The following FNTA variants were observed in gnomAD, a reference collection of about 807,000 sequenced individuals.
FNTA encodes the protein farnesyltransferase, CAAX box, subunit alpha.
FNTA carries 27 observed loss-of-function variants against 55.2 expected under a neutral mutation model. The ratio of observed to expected loss-of-function variants is 0.49; its 90% CI spans 0.36 to 0.67. The LOEUF (loss-of-function observed/expected upper bound fraction) is 0.67, where lower values mean the gene tolerates loss of function less well. Ranked by LOEUF, FNTA falls within the 30% of genes least tolerant of loss-of-function variation. FNTA has a pLI of 0.00. For synonymous variants in FNTA, 176 were observed against 170.7 expected (o/e 1.03, Z -0.24); for missense variants, 422 against 464.7 (o/e 0.91, Z 0.85).
chr8:43,085,061 T>C, intron 8 of FNTA, 99 bp from the exon 9 acceptor site: 1 of 1,192,060 alleles, frequency 8.4e-7, no homozygotes, highest in Middle Eastern at 2.0e-4. Flanking sequence ...ATAGTGTGTC[T>C]TCATTTGAAT....
At chr8:43,059,940 C>G (rs1211632408) in intron 2 of FNTA, among the ~76,000 whole-genome samples, 2 of 152,018 alleles carry the variant, frequency 1.3e-5, no homozygotes, top group Non-Finnish European at 2.9e-5. Context: ...TGTAAAGACT[C>G]GAGAAATAGA....
At chr8:43,083,758 G>A (rs974467517) in intron 7 of FNTA, among the ~76,000 whole-genome samples, 4 of 152,142 alleles carry the variant, frequency 2.6e-5, no homozygotes, top group Admixed American at 2.0e-4. Flanking sequence ...TGGAGAGCTC[G>A]AGGGATGAGA....
rs571049722 is a variant in FNTA, at chr8:43,072,211, A to G, written c.537A>G (p.Leu179=). 1.8e-5 allele frequency: 28 copies of G among 1,579,986 alleles called. No individual in the cohort carries two copies. In the South Asian group the frequency reaches 3.2e-4, roughly 18 times the overall value. ...ATAGGCGAGTATTAGTGGAATGGCTAAGAGATCCATCTCAGGAGCTTGAAT... is the reference window on the plus strand; with the variant it reads ...ATAGGCGAGTATTAGTGGAATGGCTGAGAGATCCATCTCAGGAGCTTGAAT... ...WHHRRVLVEW[L]RDPSQELEFI... is the part of the protein sequence containing the mutation. The change falls in exon 5 of 9, where the codon CTA becomes CTG. Residue 179 remains leucine, a synonymous_variant. Transcript: ENST00000302279.
Position 43,064,208 on chromosome 8 carries a change from A to G in FNTA, c.394A>G (p.Thr132Ala). 6.3e-7 allele frequency: 1 copy of G among 1,595,058 alleles called. No homozygotes were observed. The highest frequency in any genetic ancestry group is 8.6e-7 in the Non-Finnish European group (1 of 1,162,730). ...DAIELNAANYTVWHFRRVLLK... is the reference protein window; with the variant it reads ...DAIELNAANYAVWHFRRVLLK... ...TATTGAGTTAAATGCAGCCAATTAT[A>G]CAGTGTGGTAAGTAATACACATCAT... The change falls in exon 3 of 9, where the codon ACA becomes GCA. Residue 132 changes from threonine (T) to alanine (A), a missense_variant. Physicochemically the swap from Thr to Ala is moderately conservative, Grantham distance 58 (BLOSUM62 0). Around this residue, in one of 2 missense-constraint regions of FNTA, gnomAD observed 262 missense variants for 343.1 expected, o/e 0.76. Coordinates refer to ENST00000302279, the MANE Select transcript of FNTA (RefSeq NM_002027.3).
intron 4 of FNTA, among the ~76,000 whole-genome samples, chr8:43,070,596 T>C (rs949353526): frequency 2.0e-5 from 3 of 152,224 alleles, no homozygotes; most frequent in Non-Finnish European, 2.9e-5. Flanking sequence ...TTCTGGATAC[T>C]GCACACTGTC....
chr8:43,081,069 C>T (rs1449977181), intron 6 of FNTA: 1 of 151,890 alleles, frequency 6.6e-6, no homozygotes, highest in Non-Finnish European at 1.5e-5. Context: ...TTTTTTTTAA[C>T]TCTAAGCATA....
chr8:43,069,929 C>T (rs1810749110), intron 4 of FNTA, among the ~76,000 whole-genome samples: 1 of 151,998 alleles, frequency 6.6e-6, no homozygotes, highest in African/African-American at 2.4e-5. Context: ...CAGGTATGAG[C>T]CATTGCGCCT....
chr8:43,062,439 G>A (rs1308490871), intron 2 of FNTA, among the ~76,000 whole-genome samples: 1 of 151,770 alleles, frequency 6.6e-6, no homozygotes, highest in Non-Finnish European at 1.5e-5. Context: ...GTGTCACCAT[G>A]CCCAGCTAAT....
At chr8:43,076,279 G>A (rs973293123) in intron 5 of FNTA, among the ~76,000 whole-genome samples, 1 of 151,958 alleles carries the variant, frequency 6.6e-6, no homozygotes, top group Non-Finnish European at 1.5e-5. Flanking sequence ...CCTGACCTCA[G>A]GTGATCCACC....
chr8:43,072,080 T>G, intron 4 of FNTA, 101 bp from the exon 5 acceptor site: 1 of 890,000 alleles, frequency 1.1e-6, no homozygotes, highest in Non-Finnish European at 1.6e-6. Flanking sequence ...GAATTTTTGT[T>G]TATTGTGTGT....
chr8:43,085,128 A>G (rs768005625), intron 8 of FNTA, 32 bp from the exon 9 acceptor site: 12 of 1,484,404 alleles, frequency 8.1e-6, no homozygotes, highest in African/African-American at 1.4e-5. Flanking sequence ...ATTGAATTAC[A>G]TATTACTTTA....
At chr8:43,079,141 G>A (rs1475377198) in intron 6 of FNTA, 1 of 160,904 alleles carries the variant, frequency 6.2e-6, no homozygotes, top group Admixed American at 6.4e-5. Flanking sequence ...AGCAAGTGCT[G>A]CTGGAGAAGC....
At chr8:43,064,317 T>G in intron 3 of FNTA, 102 bp downstream of exon 3, 1 of 716,788 alleles carries the variant, frequency 1.4e-6, no homozygotes, top group Admixed American at 2.5e-5. Flanking sequence ...TGTACTTTAT[T>G]TTTTTTGGAG....
At chr8:43,066,997 C>T (rs865998606) in intron 3 of FNTA, among the ~76,000 whole-genome samples, 5 of 152,278 alleles carry the variant, frequency 3.3e-5, no homozygotes, top group African/African-American at 1.2e-4. Context: ...TTGCTTTTTG[C>T]AGATCTTATC....
At chr8:43,068,555 G>A (rs966516580) in intron 3 of FNTA, among the ~76,000 whole-genome samples, 1 of 152,112 alleles carries the variant, frequency 6.6e-6, no homozygotes, top group African/African-American at 2.4e-5. Flanking sequence ...GTATGTACAC[G>A]AACAACGTGT....
At chr8:43,079,743 G>C (rs540810126) in intron 6 of FNTA, 1 of 152,350 alleles carries the variant, frequency 6.6e-6, no homozygotes, top group Admixed American at 6.5e-5. Flanking sequence ...TTCCTCCAAT[G>C]AATCTGCAGA....
At chr8:43,084,625 T>G in intron 7 of FNTA, 85 bp from the exon 8 acceptor site, 1 of 1,025,152 alleles carries the variant, frequency 9.8e-7, no homozygotes, top group Non-Finnish European at 1.4e-6. Flanking sequence ...TGTTTGTGTT[T>G]CAGGGTTTAT....
At chr8:43,073,932 A>G (rs117040226) in intron 5 of FNTA, among the ~76,000 whole-genome samples, 2,346 of 152,304 alleles carry the variant, frequency 0.015, 31 homozygotes, top group Non-Finnish European at 0.022. Context: ...GTTATTTTCA[A>G]TGAGGATTTA....
intron 2 of FNTA, among the ~76,000 whole-genome samples, chr8:43,060,848 G>A (rs1810514816): frequency 6.6e-6 from 1 of 152,142 alleles, no homozygotes; most frequent in African/African-American, 2.4e-5. Context: ...CAGTGTGGAA[G>A]AAGGTATGTC....
Sources: gnomAD v4.1 joint callset for allele counts (sites outside exome capture counted in the v4.1 genomes callset) on GRCh38, gnomAD v4.1.1 for gene constraint, gnomAD v4.1.1 regional missense constraint, MANE v1.5 for transcripts, NCBI Gene and HGNC (gene_info 2026-07-23, HGNC 2026-07-21) for gene names.